Variants in ZNF717 observed in about 807,000 individuals in gnomAD.
ZNF717 encodes the protein krueppel-like factor X17.
Under a neutral mutation model 13.8 loss-of-function variants are expected in ZNF717, and 9 were observed. The ratio of observed to expected loss-of-function variants is 0.65; its 90% CI spans 0.39 to 1.14. ZNF717 has a LOEUF of 1.14. Ranked by LOEUF, ZNF717 falls within the 50% of genes most tolerant of loss-of-function variation. The pLI, the probability that ZNF717 is intolerant of heterozygous loss-of-function variation, is 0.01. For missense variants in ZNF717, 1,040 were observed against 1,080.7 expected (o/e 0.96, Z 0.53); for synonymous variants, 327 against 364.1 (o/e 0.90, Z 1.16).
chr3:75,720,600 A>T (rs75164940), intron 4 of ZNF717, among the ~76,000 whole-genome samples: 1 of 152,246 alleles, frequency 6.6e-6, no homozygotes, highest in African/African-American at 2.4e-5. Context: ...ATATACCCTT[A>T]TAACAAATCT....
chr3:75,775,021 G>A lies in ZNF717; in HGVS notation c.57+8285C>T, dbSNP rs143818479. Among the ~76,000 whole-genome samples the A allele has an allele frequency of 9.9e-3, 1,504 of 152,190 alleles. 7 individuals carry two copies. The highest frequency in any genetic ancestry group is 0.027 in the Middle Eastern group (8 of 294). On this transcript the variant is annotated intron_variant, in intron 2 of 4. Coordinates refer to ENST00000652011, the MANE Select transcript of ZNF717 (RefSeq NM_001290208.3). ...TTGTCACCCAGGCTGGAGTGCAATGGTGTGATTGAGGCTCACTGAAGCCTC... is the reference window on the plus strand; with the variant it reads ...TTGTCACCCAGGCTGGAGTGCAATGATGTGATTGAGGCTCACTGAAGCCTC...
Position 75,736,612 on chromosome 3 carries a change from T to G in ZNF717, c.*266A>C, listed in dbSNP as rs1225826458. On this transcript the variant is annotated 3_prime_UTR_variant, in exon 5 of 5. Transcript: ENST00000652011. ...TCAATTCTATGGAGGAGAAGAGAGG[T>G]GAGGAAGTTGCAGAAGAAATGTTTG... The G allele has an allele frequency of 4.4e-6, 2 of 452,092 alleles. No individual in the cohort carries two copies. The highest frequency in any genetic ancestry group is 3.7e-5 in the Admixed American group (1 of 27,182). The allele number at this position is 452,092 out of a possible 1,614,324, so 28.0% of individuals were successfully genotyped here. A position where few individuals can be genotyped will look rare whatever the true frequency, so the allele number is the denominator to read the frequency against.
chr3:75,771,656 T>C (rs972683059), intron 2 of ZNF717, among the ~76,000 whole-genome samples: 9 of 152,186 alleles, frequency 5.9e-5, no homozygotes, highest in Admixed American at 1.3e-4. Context: ...CTGGCTGCAG[T>C]GGGGAGGAGT....
intron 4 of ZNF717, among the ~76,000 whole-genome samples, chr3:75,723,248 C>CTT (rs112455865): frequency 3.4e-5 from 3 of 88,666 alleles, no homozygotes; most frequent in African/African-American, 8.8e-5. Flanking sequence ...GACAATCTCA[C>CTT]TTTTTTTTTT....
In ZNF717 at chr3:75,738,393, G is replaced by C. The variant is rs376802908; in HGVS notation, c.1230C>G (p.Leu410=). The change falls in exon 5 of 5, where the codon CTC becomes CTG. Residue 410 remains leucine, a synonymous_variant. Coordinates refer to ENST00000652011, the MANE Select transcript of ZNF717 (RefSeq NM_001290208.3). ...CTGTGTGAGTTCTATGATGTATTGT[G>C]AGGTATGACTTCTGGCTAAAGGTTT... ...CGKTFSQKSY[L]TIHHRTHTGE... The C allele has an allele frequency of 7.2e-6, 11 of 1,538,358 alleles. No individual in the cohort carries two copies. Among genetic ancestry groups the C allele is most frequent in the Non-Finnish European group, 9.7e-6 (11 of 1,137,812 alleles).
intron 2 of ZNF717, among the ~76,000 whole-genome samples, chr3:75,742,786 G>A (rs1940640804): frequency 1.3e-5 from 2 of 152,162 alleles, no homozygotes; most frequent in African/African-American, 4.8e-5. Context: ...TACTTCCTCA[G>A]TATCCATGGG....
intron 4 of ZNF717, among the ~76,000 whole-genome samples, chr3:75,717,493 T>G (rs1271854550): frequency 6.6e-6 from 1 of 152,224 alleles, no homozygotes. Flanking sequence ...GAAAGAATGC[T>G]GTTGGTGTCC....
downstream of ZNF717, among the ~76,000 whole-genome samples, chr3:75,727,837 C>T (rs1455429988): frequency 6.6e-6 from 1 of 152,308 alleles, no homozygotes; most frequent in South Asian, 2.1e-4. Flanking sequence ...CTTTCAAAAT[C>T]CCTAATAAAA....
intron 2 of ZNF717, among the ~76,000 whole-genome samples, chr3:75,776,154 G>A (rs76146206): frequency 1.3e-5 from 2 of 151,962 alleles, no homozygotes; most frequent in Non-Finnish European, 2.9e-5. Context: ...CAGGATGGCC[G>A]CCTTGTCCTT....
chr3:75,746,309 C>A lies in ZNF717; in HGVS notation c.58-4573G>T, dbSNP rs1461486365. ...TTGGACATTTCAGTTGGTTCCAAGT[C>A]TTTGCTATTGTGAGTAGCACTGCAA... On this transcript the variant is annotated intron_variant, in intron 2 of 4. Transcript: ENST00000652011. 6.6e-5 allele frequency among the ~76,000 whole-genome samples: 10 copies of A among 152,280 alleles called. No individual in the cohort carries two copies. In the East Asian group the frequency reaches 1.9e-3, roughly 29 times the overall value.
At chr3:75,712,316 C>G (rs1937956552) in intron 5 of ZNF717, among the ~76,000 whole-genome samples, 1 of 152,212 alleles carries the variant, frequency 6.6e-6, no homozygotes, top group African/African-American at 2.4e-5. Flanking sequence ...AACTCAAAAC[C>G]TCTTGCAACT....
intron 1 of ZNF717, among the ~76,000 whole-genome samples, chr3:75,783,810 C>CAT (rs1944982827): frequency 6.6e-6 from 1 of 151,972 alleles, no homozygotes; most frequent in East Asian, 1.9e-4. Context: ...TTTTCTATAC[C>CAT]TGAACATCAT....
At chr3:75,767,022 C>A (rs1382939373) in intron 2 of ZNF717, among the ~76,000 whole-genome samples, 2 of 151,986 alleles carry the variant, frequency 1.3e-5, no homozygotes, top group African/African-American at 2.4e-5. Flanking sequence ...TTCCCCTGAA[C>A]CTTGCCCAGA....
chr3:75,777,854 A>T lies in ZNF717; in HGVS notation c.57+5452T>A, dbSNP rs548843549. Reference sequence around the variant, plus strand: ...CCAGAAACCCAAAACAATGGGAGTGATGTGCTAAAACTGGAACCCAAAACA... The same window carrying T: ...CCAGAAACCCAAAACAATGGGAGTGTTGTGCTAAAACTGGAACCCAAAACA... On this transcript the variant is annotated intron_variant, in intron 2 of 4. Transcript: ENST00000652011. Among the ~76,000 whole-genome samples, 1,447 of 151,726 alleles carry T rather than the reference A, an allele frequency of 9.5e-3. 29 individuals are homozygous for T. The highest frequency in any genetic ancestry group is 0.034 in the African/African-American group (1,401 of 41,358).
downstream of ZNF717, among the ~76,000 whole-genome samples, chr3:75,725,169 A>T (rs1208573725): frequency 1.3e-5 from 2 of 152,052 alleles, no homozygotes; most frequent in African/African-American, 2.4e-5. Flanking sequence ...ACTCTCTCTC[A>T]TCTGAAATAT....
chr3:75,756,530 G>A (rs1162089853), intron 2 of ZNF717, among the ~76,000 whole-genome samples: 1 of 152,258 alleles, frequency 6.6e-6, no homozygotes, highest in Non-Finnish European at 1.5e-5. Flanking sequence ...GTTCTTGAAA[G>A]AAATTTAAAG....
At chr3:75,720,931 T>C (rs1938155359) in intron 4 of ZNF717, among the ~76,000 whole-genome samples, 1 of 152,348 alleles carries the variant, frequency 6.6e-6, no homozygotes, top group South Asian at 2.1e-4. Context: ...TGAAAATAAT[T>C]ATCAATATTT....
At chr3:75,701,439 G>A (rs1937694234) in intron 6 of ZNF717, among the ~76,000 whole-genome samples, 1 of 152,274 alleles carries the variant, frequency 6.6e-6, no homozygotes, top group African/African-American at 2.4e-5. Flanking sequence ...GGGAAGCCGA[G>A]GCTGCTGGAT....
At chr3:75,772,903 G>A (rs75583943) in intron 2 of ZNF717, among the ~76,000 whole-genome samples, 4 of 151,864 alleles carry the variant, frequency 2.6e-5, no homozygotes, top group South Asian at 4.1e-4. Context: ...ATTCTCTCTC[G>A]GATTTCAGAC....
Sources: allele counts gnomAD v4.1 joint callset (sites outside exome capture counted in the v4.1 genomes callset), GRCh38; gene constraint gnomAD v4.1.1; transcripts MANE v1.5; gene names NCBI Gene and HGNC (gene_info 2026-07-23, HGNC 2026-07-21).